Variants in MARCHF1 observed in about 807,000 individuals in gnomAD.
The protein encoded by MARCHF1 is membrane associated ring-CH-type finger 1.
Under a neutral mutation model 54.2 loss-of-function variants are expected in MARCHF1, and 40 were observed. The ratio of observed to expected loss-of-function variants is 0.74; its 90% CI spans 0.57 to 0.96. The LOEUF (loss-of-function observed/expected upper bound fraction) is 0.96, where lower values mean the gene tolerates loss of function less well. MARCHF1 is among the 40% of genes least tolerant of loss of function. The pLI, the probability that MARCHF1 is intolerant of heterozygous loss-of-function variation, is 0.00. For synonymous variants in MARCHF1, 236 were observed against 236.3 expected (o/e 1.00, Z 0.01); for missense variants, 586 against 656.5 (o/e 0.89, Z 1.17).
chr4:163,837,319 A>C (rs11939053), intron 4 of MARCHF1, among the ~76,000 whole-genome samples: 94,643 of 151,714 alleles, frequency 0.62, 29,624 homozygotes, highest in African/African-American at 0.68. Flanking sequence ...GCTGCAATAC[A>C]AAAAAAAAGT....
intron 1 of MARCHF1, among the ~76,000 whole-genome samples, chr4:164,304,150 T>C (rs4541458): frequency 0.53 from 81,069 of 151,954 alleles, 22,116 homozygotes; most frequent in Non-Finnish European, 0.59. Flanking sequence ...AAGCAGGAGA[T>C]TGCCAAAGAG....
Position 163,559,001 on chromosome 4 carries a change from T to TC in MARCHF1, c.1192-13259dup, listed in dbSNP as rs536299480. Among the ~76,000 whole-genome samples the TC allele has an allele frequency of 9.1e-4, 138 of 152,296 alleles. 4 individuals carry two copies. The South Asian group carries it at 0.028, about 31-fold the overall frequency. Reference sequence around the variant, plus strand: ...CCTCTTATTTATGAGGACAAAATGTTCCCGTACAGTCCAAATTCATCATTC... The same window carrying TC: ...CCTCTTATTTATGAGGACAAAATGTTCCCCGTACAGTCCAAATTCATCATTC... On this transcript the variant is annotated intron_variant, in intron 8 of 9. Coordinates refer to ENST00000514618, the MANE Select transcript of MARCHF1 (RefSeq NM_001394959.1).
chr4:164,348,502 T>C (rs1730178896), intron 1 of MARCHF1, among the ~76,000 whole-genome samples: 1 of 152,184 alleles, frequency 6.6e-6, no homozygotes, highest in Admixed American at 6.5e-5. Context: ...TATTTGTAAG[T>C]AGATGTTGCT....
chr4:163,873,952 TTAGAC>T (rs1404018081), intron 3 of MARCHF1, among the ~76,000 whole-genome samples: 12 of 152,226 alleles, frequency 7.9e-5, no homozygotes, highest in Non-Finnish European at 1.6e-4. Flanking sequence ...GCTAGCTGGG[TTAGAC>T]AGTAACGAAA....
chr4:164,380,408 TATC>T (rs1233237321), intron 1 of MARCHF1, among the ~76,000 whole-genome samples: 2 of 152,220 alleles, frequency 1.3e-5, no homozygotes, highest in African/African-American at 2.4e-5. Flanking sequence ...AGGCAGATAT[TATC>T]ATCTTTATTT....
intron 1 of MARCHF1, among the ~76,000 whole-genome samples, chr4:164,142,556 G>A (rs963446053): frequency 3.3e-5 from 5 of 152,128 alleles, no homozygotes; most frequent in Non-Finnish European, 5.9e-5. Flanking sequence ...CCCCCAGCAG[G>A]GGCACACTGA....
At chr4:163,876,910 A>G (rs1750301697) in intron 3 of MARCHF1, among the ~76,000 whole-genome samples, 1 of 152,152 alleles carries the variant, frequency 6.6e-6, no homozygotes, top group African/African-American at 2.4e-5. Context: ...TATGTAGAGA[A>G]AATGTTAAGC....
At chr4:164,199,546 G>A (rs1731378747) in intron 1 of MARCHF1, among the ~76,000 whole-genome samples, 1 of 151,854 alleles carries the variant, frequency 6.6e-6, no homozygotes, top group African/African-American at 2.4e-5. Flanking sequence ...GGGAGGCTGA[G>A]GCAGGGAATC....
intron 4 of MARCHF1, among the ~76,000 whole-genome samples, chr4:163,844,430 G>T (rs752036630): frequency 7.2e-5 from 11 of 151,862 alleles, no homozygotes; most frequent in Non-Finnish European, 1.5e-4. Context: ...AATTTAATTT[G>T]CTCCCACTGA....
intron 1 of MARCHF1, among the ~76,000 whole-genome samples, chr4:164,317,832 C>T (rs1212265307): frequency 6.6e-6 from 1 of 152,140 alleles, no homozygotes; most frequent in Non-Finnish European, 1.5e-5. Flanking sequence ...TTTGTACAGG[C>T]TGAGGGCCTA....
chr4:163,815,073 G>A (rs1474763732), intron 4 of MARCHF1, among the ~76,000 whole-genome samples: 2 of 151,920 alleles, frequency 1.3e-5, no homozygotes, highest in African/African-American at 4.8e-5. Flanking sequence ...AAATAGTAAT[G>A]GCAACATTAC....
intron 2 of MARCHF1, among the ~76,000 whole-genome samples, chr4:164,092,905 C>T (rs374859945): frequency 1.6e-4 from 24 of 152,124 alleles, no homozygotes; most frequent in South Asian, 8.3e-4. Context: ...CCACATCCAA[C>T]GGTAAGAGTT....
chr4:164,220,212 CTA>C (rs34363771), intron 1 of MARCHF1, among the ~76,000 whole-genome samples: 15,520 of 147,614 alleles, frequency 0.11, 1,576 homozygotes, highest in African/African-American at 0.26. Context: ...GTATATATTC[CTA>C]TATATATATA....
intron 2 of MARCHF1, among the ~76,000 whole-genome samples, chr4:163,993,366 C>G (rs1753004601): frequency 6.6e-6 from 1 of 152,046 alleles, no homozygotes; most frequent in South Asian, 2.1e-4. Flanking sequence ...ATTACAACAT[C>G]TTTTTAATGT....
rs1156366543 is a variant in MARCHF1, at chr4:163,525,952, T to TAA, written c.*2794_*2795dup. 2 of 152,126 alleles carry TAA rather than the reference T, an allele frequency of 1.3e-5. No homozygotes were observed. Among genetic ancestry groups the TAA allele is most frequent in the Non-Finnish European group, 2.9e-5 (2 of 67,978 alleles). The allele number at this position is 152,126 out of a possible 1,614,324, so 9.4% of individuals were successfully genotyped here. A position where few individuals can be genotyped will look rare whatever the true frequency, so the allele number is the denominator to read the frequency against. On this transcript the variant is annotated 3_prime_UTR_variant, in exon 10 of 10. Transcript: ENST00000514618. ...GTAGTTATTTCAGATGTTTGAACCA[T>TAA]AAACAAACAACCATTGCTGAAAAGC...
intron 5 of MARCHF1, among the ~76,000 whole-genome samples, chr4:163,633,722 T>C (rs1019574442): frequency 9.2e-5 from 14 of 152,230 alleles, no homozygotes; most frequent in African/African-American, 3.4e-4. Context: ...CAGGACAACA[T>C]TCAGATTCAG....
intron 1 of MARCHF1, among the ~76,000 whole-genome samples, chr4:164,199,681 C>CACACAGAGAGAGAG (rs1462208986): frequency 1.7e-4 from 8 of 47,656 alleles, no homozygotes; most frequent in African/African-American, 5.9e-4. Flanking sequence ...CACACACACA[C>CACACAGAGAGAGAG]AGAGAGAGAG....
chr4:164,273,746 G>A (rs1332304128), intron 1 of MARCHF1, among the ~76,000 whole-genome samples: 1 of 152,142 alleles, frequency 6.6e-6, no homozygotes, highest in Non-Finnish European at 1.5e-5. Context: ...AGATGTGTGT[G>A]TTTCACTAGT....
At chr4:163,654,243 T>G (rs1449058716) in intron 5 of MARCHF1, among the ~76,000 whole-genome samples, 3 of 151,686 alleles carry the variant, frequency 2.0e-5, no homozygotes, top group Admixed American at 6.6e-5. Context: ...TAGAGGATGT[T>G]CAAAACATAA....
Sources: gnomAD v4.1 joint callset for allele counts (sites outside exome capture counted in the v4.1 genomes callset) on GRCh38, gnomAD v4.1.1 for gene constraint, MANE v1.5 for transcripts, NCBI Gene and HGNC (gene_info 2026-07-23, HGNC 2026-07-21) for gene names.